Variants in CYRIB observed in about 807,000 individuals in gnomAD.
CYRIB encodes CYFIP-related Rac1 interactor B.
In CYRIB, 8 loss-of-function variants were observed where a neutral mutation model predicts 44.2. The observed-to-expected ratio is 0.18, with a 90% CI of 0.11 to 0.33. CYRIB has a LOEUF of 0.33. Ranked by LOEUF, CYRIB falls within the 10% of genes least tolerant of loss-of-function variation. The pLI is 1.00. For missense variants in CYRIB, 185 were observed against 382.8 expected (o/e 0.48, Z 4.31); for synonymous variants, 131 against 127.2 (o/e 1.03, Z -0.20).
At chr8:129,994,758 G>C (rs185799050) in intron 1 of CYRIB, among the ~76,000 whole-genome samples, 1 of 152,332 alleles carries the variant, frequency 6.6e-6, no homozygotes, top group East Asian at 1.9e-4. Context: ...GAAAATATGA[G>C]AAACTCCCAG....
At chr8:129,842,860 C>T (rs1285513559) in intron 11 of CYRIB, among the ~76,000 whole-genome samples, 1 of 152,130 alleles carries the variant, frequency 6.6e-6, no homozygotes, top group Non-Finnish European at 1.5e-5. Flanking sequence ...GTGTTTCAAC[C>T]CCTTTTCTAT....
chr8:129,943,086 A>ACCCCCCCCCCCCCCCCCCCCC (rs779721289), upstream of CYRIB, among the ~76,000 whole-genome samples: 5 of 101,578 alleles, frequency 4.9e-5, no homozygotes, highest in African/African-American at 1.0e-4. Flanking sequence ...TGCACCGCCC[A>ACCCCCCCCCCCCCCCCCCCCC]CCCGCCCCCC....
At chr8:129,899,280 A>T (rs1012263016) in intron 2 of CYRIB, among the ~76,000 whole-genome samples, 2 of 152,228 alleles carry the variant, frequency 1.3e-5, no homozygotes, top group African/African-American at 4.8e-5. Context: ...TTATTTTCAA[A>T]TGACAAATGA....
In CYRIB at chr8:129,850,766, T is replaced by C. The variant is rs2042856481; in HGVS notation, c.713+69A>G. The stretch of plus-strand genomic sequence containing the variant: ...TAAAACATGTTAACATGTTCATATA[T>C]GAACATGTTTTGAAATATCAGTCAT... On this transcript the variant is annotated intron_variant, in intron 9 of 11. Transcript: ENST00000519824. 5 of 1,079,566 alleles carry C rather than the reference T, an allele frequency of 4.6e-6. No homozygotes were observed. In the South Asian group the frequency reaches 6.5e-5, roughly 14 times the overall value. The allele number at this position is 1,079,566 out of a possible 1,614,324, so 66.9% of individuals were successfully genotyped here. A position where few individuals can be genotyped will look rare whatever the true frequency, so the allele number is the denominator to read the frequency against.
intron 1 of CYRIB, among the ~76,000 whole-genome samples, chr8:129,923,063 T>C (rs2137295943): frequency 7.6e-6 from 1 of 132,222 alleles, no homozygotes; most frequent in Middle Eastern, 4.4e-3. Context: ...ACCCCGTCTC[T>C]ACTAAAAAAA....
intron 2 of CYRIB, among the ~76,000 whole-genome samples, chr8:129,959,082 A>C (rs909233928): frequency 2.8e-5 from 4 of 144,098 alleles, no homozygotes; most frequent in African/African-American, 8.0e-5. Context: ...AAAAAAAAAA[A>C]AACAAAGGCA....
chr8:129,987,908 C>A (rs544588430), intron 1 of CYRIB, among the ~76,000 whole-genome samples: 2 of 152,198 alleles, frequency 1.3e-5, no homozygotes, highest in African/African-American at 4.8e-5. Context: ...CGCTGGCTCC[C>A]ACGGCCTACA....
intron 3 of CYRIB, among the ~76,000 whole-genome samples, chr8:129,873,632 T>C (rs2058136570): frequency 6.6e-6 from 1 of 152,042 alleles, no homozygotes; most frequent in African/African-American, 2.4e-5. Context: ...ATAGTTTAGC[T>C]ATTATATATC....
chr8:129,900,214 G>A (rs1291263804), intron 2 of CYRIB, among the ~76,000 whole-genome samples: 1 of 152,060 alleles, frequency 6.6e-6, no homozygotes, highest in African/African-American at 2.4e-5. Flanking sequence ...AAAAATGTGG[G>A]GCTTAATCCA....
chr8:130,015,254 A>G (rs2097315039), intron 1 of CYRIB, among the ~76,000 whole-genome samples: 1 of 152,170 alleles, frequency 6.6e-6, no homozygotes, highest in African/African-American at 2.4e-5. Flanking sequence ...TCTCACAATT[A>G]TCTATGGGGT....
At chr8:129,921,941 T>A (rs1217837731) in intron 1 of CYRIB, among the ~76,000 whole-genome samples, 2 of 152,066 alleles carry the variant, frequency 1.3e-5, no homozygotes, top group Non-Finnish European at 2.9e-5. Flanking sequence ...GAGAAGGCAA[T>A]GATGGATACA....
rs544825564 is a variant in CYRIB at position 129,993,632 on chromosome 8, G to A, written c.-295-22637C>T. Among the ~76,000 whole-genome samples the A allele has an allele frequency of 5.3e-5, 8 of 152,102 alleles. No individual in the cohort carries two copies. In the South Asian group the frequency reaches 1.7e-3, roughly 32 times the overall value. On this transcript the variant is annotated intron_variant, in intron 1 of 14. Coordinates refer to the CYRIB transcript ENST00000401979. Reference sequence around the variant, plus strand: ...GAATCGCTGGAACCCAGGAGGCGGAGGTTGCAGTGAGTCAAGATCATGCCA... The same window carrying A: ...GAATCGCTGGAACCCAGGAGGCGGAAGTTGCAGTGAGTCAAGATCATGCCA...
intron 1 of CYRIB, among the ~76,000 whole-genome samples, chr8:129,935,235 T>C (rs564112978): frequency 1.3e-5 from 2 of 152,234 alleles, no homozygotes; most frequent in Non-Finnish European, 2.9e-5. Flanking sequence ...TCAGGTTAAT[T>C]TGGATTATCT....
At chr8:129,892,827 G>A (rs531842025) in intron 2 of CYRIB, among the ~76,000 whole-genome samples, 16 of 152,154 alleles carry the variant, frequency 1.1e-4, no homozygotes, top group African/African-American at 3.9e-4. Context: ...TAATGCTATC[G>A]GCAAACTGTA....
chr8:129,957,797 C>T (rs1443025583), intron 2 of CYRIB, among the ~76,000 whole-genome samples: 1 of 151,968 alleles, frequency 6.6e-6, no homozygotes, highest in Admixed American at 6.6e-5. Context: ...AACCCCGTCT[C>T]TACTAAAAAT....
chr8:129,862,268 C>T, exon 5 of CYRIB: 1 of 1,613,716 alleles, frequency 6.2e-7, no homozygotes, highest in Non-Finnish European at 8.5e-7. Context: ...TTTAATTTGC[C>T]TACTAGTGGA....
chr8:129,854,136 A>G, intron 7 of CYRIB, 130 bp downstream of exon 9: 1 of 725,650 alleles, frequency 1.4e-6, no homozygotes. Context: ...TCCTACAGCT[A>G]TGGCTGCCCA....
intron 1 of CYRIB, among the ~76,000 whole-genome samples, chr8:130,002,963 G>T (rs772995987): frequency 5.2e-4 from 79 of 152,214 alleles, no homozygotes; most frequent in Non-Finnish European, 9.1e-4. Context: ...AGGTATGGTG[G>T]CAGGCACCTG....
At chr8:129,860,765 C>A (rs1236656177) in intron 5 of CYRIB, among the ~76,000 whole-genome samples, 1 of 151,452 alleles carries the variant, frequency 6.6e-6, no homozygotes, top group Non-Finnish European at 1.5e-5. Context: ...TTATTACAAA[C>A]TAGAAAGCAC....
Sources: gnomAD v4.1 joint callset for allele counts (sites outside exome capture counted in the v4.1 genomes callset) on GRCh38, gnomAD v4.1.1 for gene constraint, MANE v1.5 for transcripts, NCBI Gene and HGNC (gene_info 2026-07-23, HGNC 2026-07-21) for gene names.